Variants in PHLPP1 observed in about 807,000 individuals in gnomAD.
The protein encoded by PHLPP1 is PH domain and leucine rich repeat protein phosphatase 1.
PHLPP1 carries 42 observed loss-of-function variants against 117.2 expected under a neutral mutation model. The ratio of observed to expected loss-of-function variants is 0.36; its 90% CI spans 0.28 to 0.46. PHLPP1 has a LOEUF of 0.46. Among genes scored for constraint, PHLPP1 ranks in the 20% least tolerant of loss-of-function variants. The pLI is 1.00. For missense variants in PHLPP1, 2,084 were observed against 2,241.9 expected (o/e 0.93, Z 1.42); for synonymous variants, 1,042 against 970.7 (o/e 1.07, Z -1.37).
intron 1 of PHLPP1, among the ~76,000 whole-genome samples, chr18:62,819,077 T>G (rs938500675): frequency 1.3e-5 from 2 of 152,242 alleles, no homozygotes; most frequent in Non-Finnish European, 2.9e-5. Flanking sequence ...TTACTGAAAG[T>G]TCAACAACCA....
chr18:62,838,846 G>A lies in PHLPP1; in HGVS notation c.1836G>A (p.Gln612=), dbSNP rs1375968141. 1 of 1,613,772 alleles carries A rather than the reference G, an allele frequency of 6.2e-7. No individual in the cohort carries two copies. Among genetic ancestry groups the A allele is most frequent in the Admixed American group, 1.7e-5 (1 of 60,018 alleles). ...TTAGCTCCTCTGGACCCCAAAGCCA[G>A]ACTTACTACATTTGCTTTGATACTT... is the stretch of plus-strand genomic sequence containing the variant. ...LAFSSSGPQS[Q]TYYICFDTFT... Residue 612 remains glutamine, a synonymous_variant, in exon 3 of 17, where the codon CAG becomes CAA. Coordinates refer to ENST00000262719, the MANE Select transcript of PHLPP1 (RefSeq NM_194449.4).
At chr18:62,947,234 T>C (rs545312275) in intron 12 of PHLPP1, among the ~76,000 whole-genome samples, 1 of 152,334 alleles carries the variant, frequency 6.6e-6, no homozygotes, top group Non-Finnish European at 1.5e-5. Context: ...GTACTTCCTT[T>C]ATAGTATTGT....
At chr18:62,718,640 T>G (rs1040313605) in intron 1 of PHLPP1, among the ~76,000 whole-genome samples, 1 of 152,246 alleles carries the variant, frequency 6.6e-6, no homozygotes, top group African/African-American at 2.4e-5. Flanking sequence ...CTTTTAAAGT[T>G]TATGGTCCAG....
intron 1 of PHLPP1, among the ~76,000 whole-genome samples, chr18:62,794,219 CTTGTT>C (rs1913554733): frequency 6.6e-6 from 1 of 152,116 alleles, no homozygotes; most frequent in Non-Finnish European, 1.5e-5. Flanking sequence ...ATTTGAAGTG[CTTGTT>C]TTGTTTTGTT....
intron 1 of PHLPP1, among the ~76,000 whole-genome samples, chr18:62,767,266 C>T (rs552389550): frequency 7.3e-4 from 111 of 152,228 alleles, no homozygotes; most frequent in African/African-American, 2.6e-3. Context: ...CCACTAAAAC[C>T]GAGATTCCTT....
In PHLPP1 at chr18:62,979,071, C is replaced by T. The variant is rs373297559; in HGVS notation, c.4794C>T (p.Ser1598=). ...AEASDEGIVI[S]ANEDEPGLPR... ...CCAGTGATGAGGGCATTGTCATCAG[C>T]GCCAACGAGGATGAGCCAGGTCTGC... Residue 1598 remains serine, a synonymous_variant, in exon 17 of 17, where the codon AGC becomes AGT. Transcript: ENST00000262719. 49 of 1,613,654 alleles carry T rather than the reference C, an allele frequency of 3.0e-5. No individual in the cohort carries two copies. The highest frequency in any genetic ancestry group is 1.8e-4 in the South Asian group (16 of 91,048).
intron 10 of PHLPP1, among the ~76,000 whole-genome samples, chr18:62,932,793 G>A (rs1019838930): frequency 1.3e-5 from 2 of 152,076 alleles, no homozygotes; most frequent in East Asian, 3.8e-4. Context: ...AAGAATAAAG[G>A]TCATCCAAAT....
In PHLPP1 at chr18:62,766,104, A is replaced by ATATATATTATATATATATATAT. The variant is rs1289379653; in HGVS notation, c.1576+48845_1576+48846insTATATATTATATATATATATAT. On this transcript the variant is annotated intron_variant, in intron 1 of 16. Coordinates refer to ENST00000262719, the MANE Select transcript of PHLPP1 (RefSeq NM_194449.4). ...ATATATATATATATATATATATATA[A>ATATATATTATATATATATATAT]AATATATATATATTTGTACAGAAAA... is the stretch of plus-strand genomic sequence containing the variant. Among the ~76,000 whole-genome samples, 97 of 40,970 alleles carry ATATATATTATATATATATATAT rather than the reference A, an allele frequency of 2.4e-3. 4 individuals carry two copies. Among genetic ancestry groups the ATATATATTATATATATATATAT allele is most frequent in the Non-Finnish European group, 4.5e-3 (82 of 18,160 alleles). 26.9% of individuals were successfully genotyped at this position (40,970 alleles called of 152,430 possible). A position where few individuals can be genotyped will look rare whatever the true frequency, so the allele number is the denominator to read the frequency against.
At chr18:62,888,235 G>T (rs1206164302) in intron 4 of PHLPP1, among the ~76,000 whole-genome samples, 2 of 150,708 alleles carry the variant, frequency 1.3e-5, no homozygotes, top group African/African-American at 4.9e-5. Flanking sequence ...TGAATGCAAC[G>T]GTAGCACTGA....
At chr18:62,884,305 TTGACA>T (rs1348205845) in intron 4 of PHLPP1, among the ~76,000 whole-genome samples, 2 of 152,238 alleles carry the variant, frequency 1.3e-5, no homozygotes, top group African/African-American at 4.8e-5. Context: ...AACCAAACTA[TTGACA>T]CTGCTTATCT....
At chr18:62,887,335 C>G (rs184131138) in intron 4 of PHLPP1, among the ~76,000 whole-genome samples, 1 of 152,094 alleles carries the variant, frequency 6.6e-6, no homozygotes, top group Non-Finnish European at 1.5e-5. Flanking sequence ...AAGTCCCCTT[C>G]TAGTCTCATT....
At chr18:62,793,064 A>G (rs1017102535) in intron 1 of PHLPP1, among the ~76,000 whole-genome samples, 1 of 151,850 alleles carries the variant, frequency 6.6e-6, no homozygotes, top group African/African-American at 2.4e-5. Flanking sequence ...AGTCCCAGCA[A>G]CTTGGGAGGC....
intron 1 of PHLPP1, among the ~76,000 whole-genome samples, chr18:62,784,847 T>A (rs2144282953): frequency 6.6e-6 from 1 of 152,302 alleles, no homozygotes; most frequent in Middle Eastern, 3.4e-3. Flanking sequence ...ATTGAGAAAT[T>A]GAAGCATGGT....
At chr18:62,856,094 G>T (rs936676674) in intron 3 of PHLPP1, among the ~76,000 whole-genome samples, 1 of 152,160 alleles carries the variant, frequency 6.6e-6, no homozygotes, top group African/African-American at 2.4e-5. Context: ...ACTAACCGGG[G>T]ATCAAAACCT....
In PHLPP1 at chr18:62,968,651, C is replaced by A. The variant is rs148317869; in HGVS notation, c.3561-3863C>A. Reference sequence around the variant, plus strand: ...CTTCTGGGTTCACGCAATTCTTCTGCCTCAGCCTTCTGAGTAGTTGGGACT... The same window carrying A: ...CTTCTGGGTTCACGCAATTCTTCTGACTCAGCCTTCTGAGTAGTTGGGACT... On this transcript the variant is annotated intron_variant, in intron 14 of 16. Transcript: ENST00000262719. Among the ~76,000 whole-genome samples, 19 of 149,350 alleles carry A rather than the reference C, an allele frequency of 1.3e-4. No individual in the cohort carries two copies. In the East Asian group the frequency reaches 3.8e-3, roughly 30 times the overall value.
Position 62,975,520 on chromosome 18 carries a change from A to C in PHLPP1, c.3879A>C (p.Thr1293=), listed in dbSNP as rs759060000. The C allele has an allele frequency of 9.9e-6, 16 of 1,613,832 alleles. No homozygotes were observed. The highest frequency in any genetic ancestry group is 6.7e-5 in the Admixed American group (4 of 60,008). Reference sequence around the variant, plus strand: ...CTGCTAATGTGGGCAAGTGCCAAACAGTTCTCTGTCGAAATGGAAAGCCGC... The same window carrying C: ...CTGCTAATGTGGGCAAGTGCCAAACCGTTCTCTGTCGAAATGGAAAGCCGC... ...LTSANVGKCQ[T]VLCRNGKPLP... Residue 1293 remains threonine, a synonymous_variant, in exon 16 of 17, where the codon ACA becomes ACC. Transcript: ENST00000262719.
At chr18:62,912,266 A>G (rs1916974046) in intron 8 of PHLPP1, among the ~76,000 whole-genome samples, 1 of 150,482 alleles carries the variant, frequency 6.6e-6, no homozygotes, top group Non-Finnish European at 1.5e-5. Flanking sequence ...ACTAACCTGC[A>G]CAATGTGCAC....
intron 16 of PHLPP1, among the ~76,000 whole-genome samples, chr18:62,976,456 C>T (rs1267082370): frequency 6.6e-6 from 1 of 152,218 alleles, no homozygotes; most frequent in Non-Finnish European, 1.5e-5. Flanking sequence ...GCACAGAAAA[C>T]AAGAGAAGTC....
chr18:62,948,616 C>A (rs1262005518), intron 12 of PHLPP1, among the ~76,000 whole-genome samples: 1 of 151,494 alleles, frequency 6.6e-6, no homozygotes, highest in African/African-American at 2.4e-5. Flanking sequence ...TTAACAATAT[C>A]CATTCTTTCA....
Sources: allele counts gnomAD v4.1 joint callset (sites outside exome capture counted in the v4.1 genomes callset), GRCh38; gene constraint gnomAD v4.1.1; transcripts MANE v1.5; gene names NCBI Gene and HGNC (gene_info 2026-07-23, HGNC 2026-07-21).